The following MACROD2 variants were observed in gnomAD, a reference collection of about 807,000 sequenced individuals.
The protein encoded by MACROD2 is ADP-ribose glycohydrolase MACROD2.
In MACROD2, 36 loss-of-function variants were observed where a neutral mutation model predicts 70.4. The observed-to-expected ratio is 0.51, with a 90% CI of 0.39 to 0.68. The LOEUF (loss-of-function observed/expected upper bound fraction) is 0.68. Among genes scored for constraint, MACROD2 ranks in the 30% least tolerant of loss-of-function variants. MACROD2 has a pLI of 0.00. For synonymous variants in MACROD2, 172 were observed against 178.8 expected (o/e 0.96, Z 0.30); for missense variants, 496 against 538.4 (o/e 0.92, Z 0.78).
chr20:14,065,348 C>G (rs937079773), intron 2 of MACROD2, among the ~76,000 whole-genome samples: 1 of 152,134 alleles, frequency 6.6e-6, no homozygotes, highest in Non-Finnish European at 1.5e-5. Context: ...TATTTGCTCA[C>G]CTAATTTTTT....
At chr20:14,965,146 G>T (rs1489286633) in intron 5 of MACROD2, among the ~76,000 whole-genome samples, 1 of 152,050 alleles carries the variant, frequency 6.6e-6, no homozygotes, top group East Asian at 1.9e-4. Flanking sequence ...ACTTCTGATT[G>T]GTCAGCCAGA....
In MACROD2 at chr20:15,876,091, TTATA is replaced by T. The variant is rs752542911; in HGVS notation, c.728-9655_728-9652del. 9.4e-4 allele frequency among the ~76,000 whole-genome samples: 31 copies of T among 33,110 alleles called. 4 individuals carry two copies. The highest frequency in any genetic ancestry group is 2.2e-3 in the African/African-American group (29 of 13,404). 21.7% of individuals were successfully genotyped at this position (33,110 alleles called of 152,430 possible). ...ACTTTTATTGTCAGCTACATGTCTT[TTATA>T]TATATATATATATATATGTGTGTAT... On this transcript the variant is annotated intron_variant, in intron 9 of 17. Coordinates refer to ENST00000684519, the MANE Select transcript of MACROD2 (RefSeq NM_001351661.2).
At chr20:15,657,530 C>A (rs1263729697) in intron 8 of MACROD2, among the ~76,000 whole-genome samples, 1 of 152,080 alleles carries the variant, frequency 6.6e-6, no homozygotes, top group Non-Finnish European at 1.5e-5. Context: ...AATGAGAGGT[C>A]ATTTTATATT....
intron 4 of MACROD2, among the ~76,000 whole-genome samples, chr20:14,533,540 G>T (rs1042772773): frequency 6.6e-5 from 10 of 151,850 alleles, no homozygotes; most frequent in Non-Finnish European, 8.8e-5. Flanking sequence ...ATTTGATCTT[G>T]AAAAAAGAAA....
chr20:15,942,294 T>C (rs541657028), intron 12 of MACROD2, among the ~76,000 whole-genome samples: 124 of 152,214 alleles, frequency 8.1e-4, no homozygotes, highest in African/African-American at 2.8e-3. Context: ...ATTAAAGCCA[T>C]AGGGTGGGCA....
intron 3 of MACROD2, among the ~76,000 whole-genome samples, chr20:14,491,906 T>TA (rs1253095049): frequency 6.6e-6 from 1 of 152,008 alleles, no homozygotes; most frequent in African/African-American, 2.4e-5. Context: ...AATATGAAAA[T>TA]AAAAAATCAG....
chr20:15,061,377 A>C (rs1370839373), intron 5 of MACROD2, among the ~76,000 whole-genome samples: 3 of 152,172 alleles, frequency 2.0e-5, no homozygotes, highest in Non-Finnish European at 4.4e-5. Flanking sequence ...AATAACAATA[A>C]GGAATCAGTG....
chr20:15,065,837 A>C (rs918224719), intron 5 of MACROD2, among the ~76,000 whole-genome samples: 36 of 152,142 alleles, frequency 2.4e-4, no homozygotes, highest in African/African-American at 8.7e-4. Context: ...CAGGGAAGAA[A>C]GTTTTAAGTA....
At chr20:14,695,156 G>T (rs1290505584) in intron 5 of MACROD2, among the ~76,000 whole-genome samples, 2 of 152,094 alleles carry the variant, frequency 1.3e-5, no homozygotes, top group African/African-American at 4.8e-5. Flanking sequence ...CAGTTCTGGA[G>T]GCCAGAGAGC....
intron 17 of MACROD2, among the ~76,000 whole-genome samples, chr20:16,046,262 T>G (rs901110128): frequency 6.6e-6 from 1 of 152,196 alleles, no homozygotes; most frequent in African/African-American, 2.4e-5. Flanking sequence ...ATGGTATCTG[T>G]GTAATGCATG....
At chr20:14,213,062 A>C (rs1377607381) in intron 3 of MACROD2, among the ~76,000 whole-genome samples, 1 of 151,922 alleles carries the variant, frequency 6.6e-6, no homozygotes, top group East Asian at 1.9e-4. Flanking sequence ...GAACAGAATG[A>C]GTTTTTTCTT....
intron 3 of MACROD2, among the ~76,000 whole-genome samples, chr20:14,489,967 T>C (rs979057538): frequency 1.3e-5 from 2 of 151,924 alleles, no homozygotes; most frequent in Admixed American, 6.6e-5. Flanking sequence ...TTCAAGTGAC[T>C]CTCCTGCCTC....
chr20:14,650,665 G>T (rs1013826432), intron 4 of MACROD2, among the ~76,000 whole-genome samples: 8 of 152,204 alleles, frequency 5.3e-5, no homozygotes, highest in Non-Finnish European at 1.2e-4. Flanking sequence ...CCTTAATGGA[G>T]ATTAGTTCCT....
intron 5 of MACROD2, among the ~76,000 whole-genome samples, chr20:15,193,058 G>A (rs1436405088): frequency 3.3e-5 from 5 of 152,020 alleles, no homozygotes; most frequent in African/African-American, 9.7e-5. Context: ...CTGAGTTTTC[G>A]GTTGTGCATG....
intron 3 of MACROD2, among the ~76,000 whole-genome samples, chr20:14,353,667 G>A (rs1401709114): frequency 6.6e-6 from 1 of 152,156 alleles, no homozygotes; most frequent in Non-Finnish European, 1.5e-5. Flanking sequence ...TGACTCAATA[G>A]CTTTCCTCTT....
intron 3 of MACROD2, among the ~76,000 whole-genome samples, chr20:14,227,306 C>T (rs1001948444): frequency 6.6e-6 from 1 of 152,006 alleles, no homozygotes. Flanking sequence ...GCTCGGGTCC[C>T]CTTTCACATG....
chr20:15,372,483 C>T (rs2146263975), intron 6 of MACROD2, among the ~76,000 whole-genome samples: 1 of 152,318 alleles, frequency 6.6e-6, no homozygotes, highest in Non-Finnish European at 1.5e-5. Flanking sequence ...TATCTTCTCA[C>T]TTAATGTCCA....
intron 3 of MACROD2, among the ~76,000 whole-genome samples, chr20:14,268,305 A>C (rs1248123122): frequency 6.6e-6 from 1 of 152,100 alleles, no homozygotes; most frequent in Non-Finnish European, 1.5e-5. Flanking sequence ...AAATTTTATC[A>C]GTTGTGTCAA....
intron 5 of MACROD2, among the ~76,000 whole-genome samples, chr20:14,809,653 T>A (rs2072684685): frequency 6.6e-6 from 1 of 150,714 alleles, no homozygotes; most frequent in African/African-American, 2.5e-5. Flanking sequence ...CAGGAGCTCA[T>A]TTTTTTGAAA....
Sources: gnomAD v4.1 joint callset for allele counts (sites outside exome capture counted in the v4.1 genomes callset) on GRCh38, gnomAD v4.1.1 for gene constraint, MANE v1.5 for transcripts, NCBI Gene and HGNC (gene_info 2026-07-23, HGNC 2026-07-21) for gene names.